HEMGN: variants seen among roughly 807,000 people sequenced by gnomAD.
The protein encoded by HEMGN is erythroid differentiation-associated gene protein.
A neutral mutation model predicts 45.7 loss-of-function variants in HEMGN; 32 were observed. The observed-to-expected ratio is 0.70, with a 90% CI of 0.53 to 0.94. The LOEUF (loss-of-function observed/expected upper bound fraction) is 0.94. Among genes scored for constraint, HEMGN ranks in the 40% least tolerant of loss-of-function variants. HEMGN has a pLI of 0.00. For synonymous variants in HEMGN, 183 were observed against 178.6 expected, an observed-to-expected ratio of 1.02 and a Z score of -0.20; for missense variants, 530 against 564.2, an observed-to-expected ratio of 0.94 and a Z score of 0.61.
Position 97,930,281 on chromosome 9 carries a change from G to A in HEMGN, c.1114C>T (p.Gln372Ter). 1.9e-6 allele frequency: 3 copies of A among 1,614,036 alleles called. No homozygotes were observed. The highest frequency in any genetic ancestry group is 2.5e-6 in the Non-Finnish European group (3 of 1,179,946). ...TATTCTTCAAGCCCAGGTATTTCTTGATACGTTTCAGGTGAATATTTTTCA... is the reference window on the plus strand; with the variant it reads ...TATTCTTCAAGCCCAGGTATTTCTTAATACGTTTCAGGTGAATATTTTTCA... ...GSEKYSPETY[Q>*]EIPGLEEYSP... The change falls in exon 3 of 4, where the codon CAA (glutamine) becomes TAA (stop). Residue 372 changes from glutamine to a stop codon, truncating the protein, a stop_gained. Transcript: ENST00000616898. LOFTEE classifies it high-confidence loss of function.
Position 97,930,940 on chromosome 9 carries a change from T to C in HEMGN, c.455A>G (p.Glu152Gly). The change falls in exon 3 of 4, where the codon GAA becomes GGA. Residue 152 changes from glutamate to glycine, a missense_variant. Glu to Gly is a moderately conservative substitution (Grantham distance 98). Transcript: ENST00000616898. ...AGAAGAATGGTTTTGTACTGCTATTTCTTGGTACTCAGAAAAATTCTCCTG... is the reference window on the plus strand; with the variant it reads ...AGAAGAATGGTTTTGTACTGCTATTCCTTGGTACTCAGAAAAATTCTCCTG... The part of the protein sequence containing the change: ...IYQENFSEYQ[E>G]IAVQNHSSET... The C allele has an allele frequency of 6.2e-7, 1 of 1,614,230 alleles. No homozygotes were observed. Among genetic ancestry groups the C allele is most frequent in the South Asian group, 1.1e-5 (1 of 91,090 alleles).
At chr9:97,927,788 T>A (rs1230005245) in intron 3 of HEMGN, among the ~76,000 whole-genome samples, 2 of 152,008 alleles carry the variant, frequency 1.3e-5, no homozygotes, top group Non-Finnish European at 2.9e-5. Flanking sequence ...TGGAAAAATA[T>A]TTGCAACATA....
upstream of HEMGN, among the ~76,000 whole-genome samples, chr9:97,941,025 T>G (rs937467244): frequency 6.6e-6 from 1 of 152,194 alleles, no homozygotes; most frequent in Non-Finnish European, 1.5e-5. Context: ...TCCCTGCCTT[T>G]ATGAAACCTA....
chr9:97,926,857 A>C lies in HEMGN; in HGVS notation c.*527T>G, dbSNP rs1826835068. 6.5e-6 allele frequency: 1 copy of C among 152,690 alleles called. No homozygotes were observed. Among genetic ancestry groups the C allele is most frequent in the Non-Finnish European group, 1.5e-5 (1 of 68,048 alleles). The allele number at this position is 152,690 out of a possible 1,614,324, so 9.5% of individuals were successfully genotyped here. A position where few individuals can be genotyped will look rare whatever the true frequency, so the allele number is the denominator to read the frequency against. On this transcript the variant is annotated 3_prime_UTR_variant, in exon 4 of 4. Coordinates refer to ENST00000616898, the MANE Select transcript of HEMGN (RefSeq NM_197978.3). The stretch of plus-strand genomic sequence containing the variant: ...ACAATATTTAAAAAATAAAAATAGA[A>C]AATCAAAATTCAAATACAAAAGTAA...
chr9:97,933,962 G>T (rs1222234310), intron 2 of HEMGN, among the ~76,000 whole-genome samples: 1 of 152,176 alleles, frequency 6.6e-6, no homozygotes, highest in Admixed American at 6.5e-5. Context: ...TTTATCAGGG[G>T]CAGAGCTCAT....
At chr9:97,928,507 A>G (rs1179750380) in intron 3 of HEMGN, among the ~76,000 whole-genome samples, 1 of 152,182 alleles carries the variant, frequency 6.6e-6, no homozygotes, top group Non-Finnish European at 1.5e-5. Context: ...TGGCCCAACA[A>G]TTTGATTTCT....
upstream of HEMGN, among the ~76,000 whole-genome samples, chr9:97,942,859 C>T (rs1827172134): frequency 6.6e-6 from 1 of 152,112 alleles, no homozygotes. Flanking sequence ...TAAAAGTGCC[C>T]CAAAGCTAAC....
At chr9:97,938,758 T>C (rs1276429369), upstream of HEMGN, among the ~76,000 whole-genome samples, 2 of 152,164 alleles carry the variant, frequency 1.3e-5, no homozygotes, top group Admixed American at 6.5e-5. Context: ...TAATGTACAG[T>C]TTTGCTGTGT....
upstream of HEMGN, among the ~76,000 whole-genome samples, chr9:97,941,999 G>A (rs551067401): frequency 1.3e-5 from 2 of 152,254 alleles, no homozygotes; most frequent in South Asian, 4.1e-4. Context: ...ATAATTTTTG[G>A]GGGACCCATG....
In HEMGN at chr9:97,927,437, T is replaced by C; in HGVS notation, c.1402A>G (p.Ile468Val). ...KPKEEPGIPA[I>V]LNESHPENDV... ...TTTTCTGGATGACTCTCATTCAGAA[T>C]TGCTGGTATTCCTGGCTCTTCTTTG... is the stretch of plus-strand genomic sequence containing the variant. The change falls in exon 4 of 4, where the codon ATT (isoleucine) becomes GTT (valine). Residue 468 changes from isoleucine (I) to valine (V), a missense_variant. Transcript: ENST00000616898. 3 of 1,610,640 alleles carry C rather than the reference T, an allele frequency of 1.9e-6. No individual in the cohort carries two copies. The highest frequency in any genetic ancestry group is 1.7e-6 in the Non-Finnish European group (2 of 1,177,740).
rs1826913427 is a variant in HEMGN, at chr9:97,930,128, A to C, written c.1267T>G (p.Phe423Val). Residue 423 changes from phenylalanine (F) to valine (V), a missense_variant, in exon 3 of 4, where the codon TTT becomes GTT. By Grantham distance (50) the Phe-to-Val change is conservative. Transcript: ENST00000616898. ...YKNKDVPKEC[F>V]PEPHQETGGP... ...CCTGTTTCTTGGTGTGGTTCTGGAA[A>C]GCATTCTTTAGGCACATCCTTATTT... is the stretch of plus-strand genomic sequence containing the variant. The C allele has an allele frequency of 6.2e-7, 1 of 1,614,078 alleles. No homozygotes were observed. Among genetic ancestry groups the C allele is most frequent in the Admixed American group, 1.7e-5 (1 of 60,002 alleles).
chr9:97,936,884 G>T (rs1190708293), intron 1 of HEMGN, among the ~76,000 whole-genome samples: 2 of 151,904 alleles, frequency 1.3e-5, no homozygotes, highest in Non-Finnish European at 2.9e-5. Flanking sequence ...GCTTTTCTTT[G>T]GTATTTTTTC....
upstream of HEMGN, among the ~76,000 whole-genome samples, chr9:97,938,806 C>T (rs181917509): frequency 2.0e-5 from 3 of 152,226 alleles, no homozygotes; most frequent in East Asian, 5.8e-4. Context: ...ACATAAAGAA[C>T]CAAATTAGAA....
chr9:97,930,938 T>C lies in HEMGN; in HGVS notation c.457A>G (p.Ile153Val). Residue 153 changes from isoleucine to valine, a missense_variant, in exon 3 of 4, where the codon ATA (isoleucine) becomes GTA (valine). By Grantham distance (29) the Ile-to-Val change is conservative. Transcript: ENST00000616898. ...TCAGAAGAATGGTTTTGTACTGCTA[T>C]TTCTTGGTACTCAGAAAAATTCTCC... is the stretch of plus-strand genomic sequence containing the variant. ...YQENFSEYQEIAVQNHSSETC... is the reference protein window; with the variant it reads ...YQENFSEYQEVAVQNHSSETC... The C allele has an allele frequency of 6.2e-7, 1 of 1,614,220 alleles. No individual in the cohort carries two copies. The highest frequency in any genetic ancestry group is 8.5e-7 in the Non-Finnish European group (1 of 1,180,034).
intron 2 of HEMGN, among the ~76,000 whole-genome samples, chr9:97,934,209 G>A (rs937569273): frequency 2.0e-5 from 3 of 151,880 alleles, no homozygotes; most frequent in Non-Finnish European, 4.4e-5. Context: ...CTAGCTGGGC[G>A]TGGTGGCCAG....
Position 97,930,030 on chromosome 9 carries a change from C to T in HEMGN, c.1360+5G>A, listed in dbSNP as rs1413873033. The T allele has an allele frequency of 1.9e-6, 3 of 1,611,032 alleles. No individual in the cohort carries two copies. Among genetic ancestry groups the T allele is most frequent in the African/African-American group, 2.7e-5 (2 of 74,700 alleles). On this transcript the variant is annotated splice_donor_5th_base_variant and intron_variant, in intron 3 of 3. Transcript: ENST00000616898. ...ACCTACCTTGGTGCTATAAACAGCC[C>T]TTACCTTGAGGAAAAGTATAAGCAT...
chr9:97,930,504 A>C lies in HEMGN; in HGVS notation c.891T>G (p.Leu297=). 6 of 1,614,048 alleles carry C rather than the reference A, an allele frequency of 3.7e-6. No homozygotes were observed. The highest frequency in any genetic ancestry group is 5.1e-6 in the Non-Finnish European group (6 of 1,179,958). The change falls in exon 3 of 4, where the codon CTT becomes CTG. Residue 297 remains leucine, a synonymous_variant. Coordinates refer to ENST00000616898, the MANE Select transcript of HEMGN (RefSeq NM_197978.3). ...CAGCTATTTCTTGTATTTTAGGAAAAAGGCCTTCTGTCTCAGCTATTCCTT... is the reference window on the plus strand; with the variant it reads ...CAGCTATTTCTTGTATTTTAGGAAACAGGCCTTCTGTCTCAGCTATTCCTT... ...TDQGIAETEG[L]FPKIQEIAEP... is the part of the protein sequence containing the mutation.
At chr9:97,929,562 C>A (rs901112814) in intron 3 of HEMGN, among the ~76,000 whole-genome samples, 6 of 152,140 alleles carry the variant, frequency 3.9e-5, no homozygotes, top group Admixed American at 3.9e-4. Flanking sequence ...TTTTGGTAAA[C>A]CTGATAAATC....
At chr9:97,942,290 T>G (rs1189688889), upstream of HEMGN, among the ~76,000 whole-genome samples, 5 of 149,552 alleles carry the variant, frequency 3.3e-5, no homozygotes, top group South Asian at 6.5e-4. Flanking sequence ...TTTTTTTTTT[T>G]TTTTGTTTTT....
Sources: gnomAD v4.1 joint callset for allele counts (sites outside exome capture counted in the v4.1 genomes callset) on GRCh38, gnomAD v4.1.1 for gene constraint, MANE v1.5 for transcripts, NCBI Gene and HGNC (gene_info 2026-07-23, HGNC 2026-07-21) for gene names.